Variants in CNTN4 observed in about 807,000 individuals in gnomAD.
The protein encoded by CNTN4 is contactin-4.
A neutral mutation model predicts 122.5 loss-of-function variants in CNTN4; 77 were observed. That is an observed-to-expected ratio of 0.63 (90% CI 0.52 to 0.76). CNTN4 has a LOEUF of 0.76. CNTN4 is among the 30% of genes least tolerant of loss of function. The pLI, the probability that CNTN4 is intolerant of heterozygous loss-of-function variation, is 0.00. For missense variants in CNTN4, 1,256 were observed against 1,259.1 expected (o/e 1.00, Z 0.04); for synonymous variants, 512 against 447.0 (o/e 1.15, Z -1.83).
At chr3:2,641,368 G>A (rs913987099) in intron 4 of CNTN4, among the ~76,000 whole-genome samples, 4 of 152,220 alleles carry the variant, frequency 2.6e-5, no homozygotes, top group South Asian at 2.1e-4. Flanking sequence ...TTTTGTAGAC[G>A]TGAAAGCAGG....
At chr3:2,184,376 C>T (rs1422314825) in intron 2 of CNTN4, among the ~76,000 whole-genome samples, 2 of 151,964 alleles carry the variant, frequency 1.3e-5, no homozygotes, top group African/African-American at 2.4e-5. Flanking sequence ...GAGACAGAGC[C>T]CAGAGCATGG....
intron 13 of CNTN4, among the ~76,000 whole-genome samples, chr3:2,948,146 C>G (rs1027322040): frequency 1.6e-4 from 25 of 152,144 alleles, no homozygotes; most frequent in African/African-American, 6.0e-4. Flanking sequence ...TATATAAAGG[C>G]ACTTTCATAG....
At chr3:2,836,175 A>G (rs13093332) in intron 7 of CNTN4, among the ~76,000 whole-genome samples, 28,772 of 152,140 alleles carry the variant, frequency 0.19, 3,462 homozygotes, top group Non-Finnish European at 0.27. Context: ...AATGTAGAAG[A>G]TATGAACATA....
At chr3:2,702,853 C>A (rs1468551686) in intron 4 of CNTN4, among the ~76,000 whole-genome samples, 1 of 152,162 alleles carries the variant, frequency 6.6e-6, no homozygotes, top group Non-Finnish European at 1.5e-5. Flanking sequence ...TTAGAGATTT[C>A]TTTTGTAGTT....
intron 3 of CNTN4, among the ~76,000 whole-genome samples, chr3:2,471,919 G>A (rs1490422472): frequency 6.6e-6 from 1 of 152,094 alleles, no homozygotes; most frequent in South Asian, 2.1e-4. Context: ...CTCAGATGTG[G>A]CACAAAATGT....
intron 23 of CNTN4, among the ~76,000 whole-genome samples, chr3:3,048,251 A>G (rs1326213481): frequency 5.3e-5 from 8 of 152,246 alleles, no homozygotes; most frequent in African/African-American, 1.9e-4. Flanking sequence ...ACACAAAAAA[A>G]TACAATGAAA....
At chr3:2,653,999 T>C (rs2150220254) in intron 4 of CNTN4, among the ~76,000 whole-genome samples, 1 of 152,300 alleles carries the variant, frequency 6.6e-6, no homozygotes, top group East Asian at 1.9e-4. Context: ...TTTTGGTTGT[T>C]TTATTGTTGT....
chr3:2,794,861 G>A (rs1197580112), intron 6 of CNTN4, among the ~76,000 whole-genome samples: 5 of 152,154 alleles, frequency 3.3e-5, no homozygotes, highest in East Asian at 1.9e-4. Flanking sequence ...GTGCACTCAC[G>A]TGGTGGAAGG....
At chr3:2,881,501 A>AGACT (rs1314895608) in intron 8 of CNTN4, among the ~76,000 whole-genome samples, 1 of 149,326 alleles carries the variant, frequency 6.7e-6, no homozygotes, top group Non-Finnish European at 1.5e-5. Flanking sequence ...CGACAGAGCA[A>AGACT]GACTCAGTCT....
At chr3:2,655,262 T>C (rs1236479143) in intron 4 of CNTN4, among the ~76,000 whole-genome samples, 2 of 152,196 alleles carry the variant, frequency 1.3e-5, no homozygotes, top group Non-Finnish European at 2.9e-5. Flanking sequence ...ACTTGGGAGA[T>C]TAATAACTGT....
Position 2,103,766 on chromosome 3 carries a change from A to G in CNTN4, c.-145+3127A>G, listed in dbSNP as rs142795038. 2.9e-3 allele frequency among the ~76,000 whole-genome samples: 441 copies of G among 152,244 alleles called. 4 individuals are homozygous for G. Among genetic ancestry groups the G allele is most frequent in the African/African-American group, 0.01 (430 of 41,546 alleles). On this transcript the variant is annotated intron_variant, in intron 2 of 24. Transcript: ENST00000418658. ...TTTTCTATATGACTAAGGGGACTGT[A>G]TATATATCCCAGGTACCGTCTAAAA... is the stretch of plus-strand genomic sequence containing the variant.
intron 6 of CNTN4, among the ~76,000 whole-genome samples, chr3:2,778,394 T>C (rs2149828743): frequency 6.8e-6 from 1 of 146,232 alleles, no homozygotes; most frequent in Non-Finnish European, 1.5e-5. Context: ...AATTATGTTC[T>C]CAAAACATGA....
chr3:2,609,921 T>A (rs2081412039), intron 4 of CNTN4, among the ~76,000 whole-genome samples: 1 of 152,200 alleles, frequency 6.6e-6, no homozygotes, highest in African/African-American at 2.4e-5. Context: ...AAACTTTATT[T>A]TCTTCACCTT....
chr3:2,244,531 G>A (rs1001476012), intron 2 of CNTN4, among the ~76,000 whole-genome samples: 2 of 152,040 alleles, frequency 1.3e-5, no homozygotes, highest in African/African-American at 4.8e-5. Context: ...TTTCACTATT[G>A]TTTCTCTGTT....
chr3:2,192,481 C>A (rs1435293309), intron 2 of CNTN4, among the ~76,000 whole-genome samples: 4 of 150,814 alleles, frequency 2.7e-5, no homozygotes, highest in Non-Finnish European at 5.9e-5. Context: ...AAAGAAACTA[C>A]CATCAGAGTG....
chr3:2,971,136 TAAGG>T (rs1399954262), intron 13 of CNTN4, among the ~76,000 whole-genome samples: 2 of 152,178 alleles, frequency 1.3e-5, no homozygotes, highest in Non-Finnish European at 2.9e-5. Flanking sequence ...AAGAAAATTA[TAAGG>T]AAGAGAAGAA....
chr3:2,682,132 A>G (rs1202593835), intron 4 of CNTN4, among the ~76,000 whole-genome samples: 1 of 152,338 alleles, frequency 6.6e-6, no homozygotes. Context: ...AAAATAAAGT[A>G]CAAGTTAAAG....
chr3:2,195,405 A>G (rs2037788246), intron 2 of CNTN4, among the ~76,000 whole-genome samples: 1 of 152,146 alleles, frequency 6.6e-6, no homozygotes, highest in Non-Finnish European at 1.5e-5. Context: ...TGTTCCTTTG[A>G]TGTATTGTTT....
chr3:2,402,479 A>G (rs1158013367), intron 3 of CNTN4, among the ~76,000 whole-genome samples: 2 of 152,140 alleles, frequency 1.3e-5, no homozygotes, highest in African/African-American at 4.8e-5. Context: ...ACAAACATAC[A>G]ATGTGTAATT....
Sources: allele counts gnomAD v4.1 joint callset (sites outside exome capture counted in the v4.1 genomes callset), GRCh38; gene constraint gnomAD v4.1.1; transcripts MANE v1.5; gene names NCBI Gene and HGNC (gene_info 2026-07-23, HGNC 2026-07-21).